Variants in NPSR1 observed in about 807,000 individuals in gnomAD.
NPSR1 encodes neuropeptide S receptor 1, also known as neuropeptide S receptor.
Under a neutral mutation model 46.9 loss-of-function variants are expected in NPSR1, and 48 were observed. The observed-to-expected ratio is 1.02, with a 90% CI of 0.81 to 1.30. The LOEUF (loss-of-function observed/expected upper bound fraction) is 1.30. Among genes scored for constraint, NPSR1 ranks in the 50% most tolerant of loss-of-function variants. The pLI, the probability that NPSR1 is intolerant of heterozygous loss-of-function variation, is 0.00. For missense variants in NPSR1, 450 were observed against 449.5 expected, an observed-to-expected ratio of 1.00 and a Z score of -0.01; for synonymous variants, 176 against 168.1, an observed-to-expected ratio of 1.05 and a Z score of -0.36.
chr7:34,699,744 C>G (rs1333803897), intron 2 of NPSR1, among the ~76,000 whole-genome samples: 1 of 152,114 alleles, frequency 6.6e-6, no homozygotes, highest in Non-Finnish European at 1.5e-5. Flanking sequence ...ATTATTTCCA[C>G]AGAGGTCATA....
At position 34,844,994 on chromosome 7, in the gene NPSR1, C is replaced by G; in HGVS notation, c.844+12C>G. On this transcript the variant is annotated intron_variant, in intron 7 of 8. Coordinates refer to ENST00000360581, the MANE Select transcript of NPSR1 (RefSeq NM_207172.2). ...CATCATCATTCTTGGTAAGCAATGTCCCTCCTTGAGCTGTAAAGTGGTATG... is the reference window on the plus strand; with the variant it reads ...CATCATCATTCTTGGTAAGCAATGTGCCTCCTTGAGCTGTAAAGTGGTATG... 1 of 1,591,246 alleles carries G rather than the reference C, an allele frequency of 6.3e-7. No homozygotes were observed. Among genetic ancestry groups the G allele is most frequent in the Non-Finnish European group, 8.6e-7 (1 of 1,159,180 alleles).
chr7:34,684,008 T>G (rs996920193), intron 1 of NPSR1, among the ~76,000 whole-genome samples: 4 of 152,224 alleles, frequency 2.6e-5, no homozygotes, highest in African/African-American at 7.2e-5. Flanking sequence ...TTTTACTGTA[T>G]TTCAGCCTTT....
intron 3 of NPSR1, among the ~76,000 whole-genome samples, chr7:34,799,701 A>T (rs903831959): frequency 7.1e-6 from 1 of 141,242 alleles, no homozygotes; most frequent in Non-Finnish European, 1.5e-5. Context: ...GACAGGATCA[A>T]ATTTACACAT....
chr7:34,751,290 A>C (rs1785509945), intron 2 of NPSR1: 1 of 963,374 alleles, frequency 1.0e-6, no homozygotes, highest in Admixed American at 1.7e-5. Flanking sequence ...ACAGAAGATG[A>C]GGCTGGGAGT....
At chr7:34,844,282 G>A (rs1054426108) in intron 6 of NPSR1, among the ~76,000 whole-genome samples, 1 of 152,036 alleles carries the variant, frequency 6.6e-6, no homozygotes, top group Non-Finnish European at 1.5e-5. Flanking sequence ...ACAGGAGTGC[G>A]AAAAACAAAG....
At chr7:34,729,226 G>A (rs1052262160) in intron 2 of NPSR1, among the ~76,000 whole-genome samples, 2 of 152,234 alleles carry the variant, frequency 1.3e-5, no homozygotes, top group Admixed American at 6.5e-5. Flanking sequence ...TTGAGATGGA[G>A]TGAAGACGAG....
At chr7:34,707,964 C>A (rs1338598292) in intron 2 of NPSR1, among the ~76,000 whole-genome samples, 38 of 152,070 alleles carry the variant, frequency 2.5e-4, no homozygotes, top group Admixed American at 2.5e-3. Flanking sequence ...CCGTTTTTTT[C>A]ACATGGCTTT....
chr7:34,869,128 G>A (rs918915971), intron 8 of NPSR1, among the ~76,000 whole-genome samples: 4 of 151,744 alleles, frequency 2.6e-5, no homozygotes, highest in Admixed American at 6.5e-5. Flanking sequence ...CTGGCAGAAC[G>A]AATGTCTACT....
intron 2 of NPSR1, chr7:34,751,322 T>G: frequency 9.8e-7 from 1 of 1,016,284 alleles, no homozygotes; most frequent in Middle Eastern, 2.0e-4. Flanking sequence ...GTACTGATCA[T>G]GCAGAACTTG....
intron 2 of NPSR1, among the ~76,000 whole-genome samples, chr7:34,687,772 T>C (rs907412716): frequency 6.6e-6 from 1 of 152,182 alleles, no homozygotes; most frequent in African/African-American, 2.4e-5. Flanking sequence ...TACGCCTACC[T>C]ACAATAATTA....
At chr7:34,845,060 G>A in intron 7 of NPSR1, 78 bp downstream of exon 7, 1 of 949,108 alleles carries the variant, frequency 1.1e-6, no homozygotes. Flanking sequence ...CCTGGTGACA[G>A]AAAGGAATTT....
chr7:34,689,459 G>C (rs1015122063), intron 2 of NPSR1, among the ~76,000 whole-genome samples: 10 of 151,718 alleles, frequency 6.6e-5, no homozygotes, highest in Non-Finnish European at 1.0e-4. Context: ...CAAAAAATTA[G>C]CTGGGTGTGG....
intron 2 of NPSR1, among the ~76,000 whole-genome samples, chr7:34,694,300 A>G (rs1793407163): frequency 6.6e-6 from 1 of 152,328 alleles, no homozygotes; most frequent in South Asian, 2.1e-4. Flanking sequence ...AAACAACTTC[A>G]ATAAATTTTC....
At chr7:34,678,182 G>GA (rs980013715) in intron 1 of NPSR1, among the ~76,000 whole-genome samples, 6 of 145,642 alleles carry the variant, frequency 4.1e-5, no homozygotes, top group Non-Finnish European at 7.5e-5. Flanking sequence ...TCCAGGCTCA[G>GA]AAAAAATGCT....
intron 3 of NPSR1, among the ~76,000 whole-genome samples, chr7:34,779,259 T>A (rs1460095320): frequency 1.3e-5 from 2 of 151,980 alleles, no homozygotes; most frequent in Non-Finnish European, 2.9e-5. Context: ...GTTTATAATA[T>A]AGATTTAGAC....
intron 3 of NPSR1, among the ~76,000 whole-genome samples, chr7:34,808,366 T>C (rs577587289): frequency 8.1e-4 from 123 of 152,360 alleles, no homozygotes; most frequent in African/African-American, 2.9e-3. Context: ...TTTATTTTAC[T>C]CTATCATAGC....
intron 4 of NPSR1, among the ~76,000 whole-genome samples, chr7:34,822,136 A>T (rs1789586989): frequency 6.6e-6 from 1 of 152,152 alleles, no homozygotes; most frequent in Non-Finnish European, 1.5e-5. Context: ...TGATACTCAC[A>T]AGTTTATAGG....
At chr7:34,754,075 C>G (rs778064659) in intron 2 of NPSR1, among the ~76,000 whole-genome samples, 3 of 152,036 alleles carry the variant, frequency 2.0e-5, no homozygotes, top group Non-Finnish European at 4.4e-5. Flanking sequence ...TTTGTTGAAA[C>G]CTTGCCATGT....
At chr7:34,751,324 C>T in intron 2 of NPSR1, 1 of 1,017,680 alleles carries the variant, frequency 9.8e-7, no homozygotes, top group South Asian at 1.3e-5. Flanking sequence ...ACTGATCATG[C>T]AGAACTTGCC....
Sources: gnomAD v4.1 joint callset for allele counts (sites outside exome capture counted in the v4.1 genomes callset) on GRCh38, gnomAD v4.1.1 for gene constraint, MANE v1.5 for transcripts, NCBI Gene and HGNC (gene_info 2026-07-23, HGNC 2026-07-21) for gene names.